NYAP2: variants seen among roughly 807,000 people sequenced by gnomAD.
NYAP2 encodes neuronal tyrosine-phosphorylated phosphoinositide-3-kinase adapter 2.
Under a neutral mutation model 50.4 loss-of-function variants are expected in NYAP2, and 23 were observed. The ratio of observed to expected loss-of-function variants is 0.46; its 90% CI spans 0.33 to 0.65. NYAP2 has a LOEUF of 0.65. Ranked by LOEUF, NYAP2 falls within the 30% of genes least tolerant of loss-of-function variation. The pLI, the probability that NYAP2 is intolerant of heterozygous loss-of-function variation, is 0.02. For synonymous variants in NYAP2, 394 were observed against 365.2 expected, an observed-to-expected ratio of 1.08 and a Z score of -0.90; for missense variants, 885 against 861.0, an observed-to-expected ratio of 1.03 and a Z score of -0.35.
intron 3 of NYAP2, among the ~76,000 whole-genome samples, chr2:225,512,900 TC>T (rs1690858461): frequency 6.7e-6 from 1 of 148,174 alleles, no homozygotes; most frequent in Non-Finnish European, 1.5e-5. Flanking sequence ...TTCCTTCCTT[TC>T]CTTTCCTTTC....
chr2:225,518,632 A>G (rs1234867270), intron 4 of NYAP2, among the ~76,000 whole-genome samples: 1 of 145,390 alleles, frequency 6.9e-6, no homozygotes, highest in African/African-American at 2.5e-5. Context: ...ATATATATAT[A>G]TAAATAAATT....
In NYAP2 at chr2:225,568,886, C is replaced by G. The variant is rs76316862; in HGVS notation, c.524-13055C>G. On this transcript the variant is annotated intron_variant, in intron 4 of 6. Coordinates refer to ENST00000636099, the Ensembl canonical transcript of NYAP2. Reference sequence around the variant, plus strand: ...TAGAGGTTGAGAGGGAAAGCTTTCCCCCTTATACTCTGAAGGTTTCCTGAA... The same window carrying G: ...TAGAGGTTGAGAGGGAAAGCTTTCCGCCTTATACTCTGAAGGTTTCCTGAA... 6.7e-3 allele frequency among the ~76,000 whole-genome samples: 1,015 copies of G among 152,132 alleles called. 12 individuals are homozygous for G. Among genetic ancestry groups the G allele is most frequent in the African/African-American group, 0.023 (969 of 41,504 alleles).
At chr2:225,537,595 A>G (rs1476062745) in intron 4 of NYAP2, among the ~76,000 whole-genome samples, 4 of 152,062 alleles carry the variant, frequency 2.6e-5, no homozygotes. Flanking sequence ...TGATTCAATT[A>G]CCTCCCACCT....
At chr2:225,571,564 C>G (rs996394948) in intron 4 of NYAP2, among the ~76,000 whole-genome samples, 1 of 152,208 alleles carries the variant, frequency 6.6e-6, no homozygotes, top group Non-Finnish European at 1.5e-5. Flanking sequence ...CGAGTTGTAC[C>G]TTGGCCCCTT....
At chr2:225,651,508 G>A (rs201675607) in exon 7 of NYAP2, 1 of 1,613,946 alleles carries the variant, frequency 6.2e-7, no homozygotes, top group East Asian at 2.2e-5. Flanking sequence ...CTCCCCTCAG[G>A]CAAAGCAGTG....
intron 6 of NYAP2, among the ~76,000 whole-genome samples, chr2:225,633,107 T>A (rs1693350467): frequency 1.3e-5 from 2 of 152,162 alleles, no homozygotes. Flanking sequence ...AAAGAGAATA[T>A]TCCACATGGG....
At chr2:225,683,188 A>C in the NYAP2 span, among the ~76,000 whole-genome samples, 1 of 152,176 alleles carries the variant, frequency 6.6e-6, no homozygotes. Flanking sequence ...AATTTTCAGC[A>C]AAAACTTTTT....
chr2:225,519,189 C>A (rs1690997774), intron 4 of NYAP2, among the ~76,000 whole-genome samples: 1 of 151,514 alleles, frequency 6.6e-6, no homozygotes, highest in Non-Finnish European at 1.5e-5. Context: ...AATAAGTATT[C>A]CCAAGGCATA....
intron 3 of NYAP2, among the ~76,000 whole-genome samples, chr2:225,433,768 G>C (rs1689317293): frequency 7.8e-6 from 1 of 127,940 alleles, no homozygotes; most frequent in Non-Finnish European, 1.5e-5. Context: ...AGTGAGCCGA[G>C]ATCGCGCCAC....
At chr2:225,692,393 ATTTT>A in the NYAP2 span, among the ~76,000 whole-genome samples, 1 of 152,012 alleles carries the variant, frequency 6.6e-6, no homozygotes, top group Non-Finnish European at 1.5e-5. Context: ...GAAGTAATTA[ATTTT>A]ATTTTCTAGA....
chr2:225,691,948 A>G, the NYAP2 span, among the ~76,000 whole-genome samples: 2 of 152,118 alleles, frequency 1.3e-5, no homozygotes, highest in African/African-American at 4.8e-5. Context: ...GTTGGCCCAG[A>G]GACAGCAACA....
At chr2:225,672,325 T>C in the NYAP2 span, among the ~76,000 whole-genome samples, 1 of 152,188 alleles carries the variant, frequency 6.6e-6, no homozygotes, top group Admixed American at 6.6e-5. Flanking sequence ...CTACTTTCTT[T>C]AAACCTAATC....
At chr2:225,528,429 T>G (rs572911706) in intron 4 of NYAP2, among the ~76,000 whole-genome samples, 2 of 152,192 alleles carry the variant, frequency 1.3e-5, no homozygotes, top group South Asian at 4.1e-4. Flanking sequence ...TTGGATTATT[T>G]TATTGGTTGG....
At chr2:225,655,469 A>ATT (rs1693806123), downstream of NYAP2, among the ~76,000 whole-genome samples, 1 of 152,218 alleles carries the variant, frequency 6.6e-6, no homozygotes, top group South Asian at 2.1e-4. Flanking sequence ...AAGTTAACTT[A>ATT]TTTTCTTAGT....
chr2:225,470,850 C>T (rs566284773), intron 3 of NYAP2, among the ~76,000 whole-genome samples: 2 of 151,878 alleles, frequency 1.3e-5, no homozygotes, highest in Admixed American at 1.3e-4. Flanking sequence ...TGGGGTCTCT[C>T]TATGTTGCCT....
the NYAP2 span, among the ~76,000 whole-genome samples, chr2:225,675,746 T>C: frequency 6.6e-6 from 1 of 152,296 alleles, no homozygotes; most frequent in Middle Eastern, 3.4e-3. Context: ...GCTGAACTAG[T>C]TTTTATTCCC....
intron 3 of NYAP2, among the ~76,000 whole-genome samples, chr2:225,456,529 C>A (rs770054871): frequency 1.3e-5 from 2 of 152,044 alleles, no homozygotes; most frequent in Non-Finnish European, 2.9e-5. Context: ...GAGCTTCTGG[C>A]CTAATTAGGT....
At chr2:225,645,260 A>C (rs1693610786) in intron 6 of NYAP2, among the ~76,000 whole-genome samples, 1 of 151,990 alleles carries the variant, frequency 6.6e-6, no homozygotes, top group Non-Finnish European at 1.5e-5. Context: ...AAAAAGAAGA[A>C]GAAAAAAGCT....
intron 3 of NYAP2, among the ~76,000 whole-genome samples, chr2:225,506,928 CA>C (rs1404639893): frequency 6.6e-6 from 1 of 151,836 alleles, no homozygotes; most frequent in East Asian, 1.9e-4. Flanking sequence ...AAATTTAACA[CA>C]AAAAATCCCA....
Sources: allele counts gnomAD v4.1 joint callset (sites outside exome capture counted in the v4.1 genomes callset), GRCh38; gene constraint gnomAD v4.1.1; transcripts MANE v1.5; gene names NCBI Gene and HGNC (gene_info 2026-07-23, HGNC 2026-07-21).